The following TLN2 variants were observed in gnomAD, a reference collection of about 807,000 sequenced individuals.
TLN2 encodes talin 2.
TLN2 carries 118 observed loss-of-function variants against 294.7 expected under a neutral mutation model. That is an observed-to-expected ratio of 0.40 (90% CI 0.34 to 0.47). The LOEUF is 0.47. Among genes scored for constraint, TLN2 ranks in the 20% least tolerant of loss-of-function variants. The pLI, the probability that TLN2 is intolerant of heterozygous loss-of-function variation, is 0.84. For missense variants in TLN2, 3,083 were observed against 3,282.2 expected (o/e 0.94, Z 1.48); for synonymous variants, 1,431 against 1,304.5 (o/e 1.10, Z -2.09).
intron 1 of TLN2, among the ~76,000 whole-genome samples, chr15:62,457,711 G>T (rs1566988748): frequency 6.6e-6 from 1 of 152,188 alleles, no homozygotes; most frequent in Non-Finnish European, 1.5e-5. Context: ...ACAAAGGGGA[G>T]GAGTGCAAGA....
intron 1 of TLN2, among the ~76,000 whole-genome samples, chr15:62,545,761 C>T (rs1027683854): frequency 6.6e-6 from 1 of 152,130 alleles, no homozygotes; most frequent in Non-Finnish European, 1.5e-5. Context: ...CGAGCCCATC[C>T]TGGCTGAGGT....
At chr15:62,657,619 G>C (rs1255513133) in intron 8 of TLN2, 152 bp from the exon 9 acceptor site, 4 of 1,192,654 alleles carry the variant, frequency 3.4e-6, no homozygotes, top group Admixed American at 3.4e-5. Flanking sequence ...CCCATGCGGT[G>C]ATCATCCACT....
rs925456913 is a variant in TLN2 at position 62,577,399 on chromosome 15, G to A, written c.-237-12288G>A. ...GCGGAGGTTGTGGTGAGCCGAGATCGCGTCATTGCACTCCAGCCTGGGCAA... is the reference window on the plus strand; with the variant it reads ...GCGGAGGTTGTGGTGAGCCGAGATCACGTCATTGCACTCCAGCCTGGGCAA... On this transcript the variant is annotated intron_variant, in intron 1 of 58. Coordinates refer to ENST00000636159, the MANE Select transcript of TLN2 (RefSeq NM_015059.3). Among the ~76,000 whole-genome samples, 24 of 152,266 alleles carry A rather than the reference G, an allele frequency of 1.6e-4. 1 individual carries two copies. The highest frequency in any genetic ancestry group is 4.8e-4 in the African/African-American group (20 of 41,542).
At chr15:62,637,528 A>G (rs2050511868) in intron 3 of TLN2, 1 of 152,192 alleles carries the variant, frequency 6.6e-6, no homozygotes, top group Non-Finnish European at 1.5e-5. Context: ...CAGGCCAGGA[A>G]TTCATGTATC....
chr15:62,812,538 G>T (rs112002729), intron 52 of TLN2, among the ~76,000 whole-genome samples: 25 of 152,182 alleles, frequency 1.6e-4, no homozygotes, highest in African/African-American at 5.5e-4. Context: ...TTAGGGGAGA[G>T]GAATTCTTTC....
At chr15:62,605,917 G>A (rs781299404) in intron 2 of TLN2, among the ~76,000 whole-genome samples, 1 of 152,192 alleles carries the variant, frequency 6.6e-6, no homozygotes, top group Non-Finnish European at 1.5e-5. Flanking sequence ...AGGGCAGTCT[G>A]TCAGAATTTC....
intron 1 of TLN2, among the ~76,000 whole-genome samples, chr15:62,550,252 A>G (rs1485451806): frequency 1.3e-5 from 2 of 152,158 alleles, no homozygotes; most frequent in African/African-American, 4.8e-5. Flanking sequence ...ACAACAGGAA[A>G]TAATAGTTTA....
Position 62,698,833 on chromosome 15 carries a change from A to T in TLN2, c.1553A>T (p.Glu518Val). The T allele has an allele frequency of 1.2e-6, 2 of 1,612,972 alleles. No individual in the cohort carries two copies. Among genetic ancestry groups the T allele is most frequent in the Non-Finnish European group, 1.7e-6 (2 of 1,180,024 alleles). ...CAGCAGGCCCAGGATGATCTCAGTG[A>T]GCTCGACTCGCTGCCACCTCTCGGC... ...AVQQAQDDLS[E>V]LDSLPPLGQD... Residue 518 changes from glutamate to valine, a missense_variant, in exon 16 of 59, where the codon GAG becomes GTG. Transcript: ENST00000636159.
At position 62,465,446 on chromosome 15, in the gene TLN2, G is replaced by A. The variant is rs561554548; in HGVS notation, c.-238+74761G>A. ...AAACCGTAATCCTCTCCCCTAGTCA[G>A]GCCAGTTATATTCCTTTTCCTGAAC... On this transcript the variant is annotated intron_variant, in intron 1 of 58. Transcript: ENST00000636159. Among the ~76,000 whole-genome samples, 11 of 152,226 alleles carry A rather than the reference G, an allele frequency of 7.2e-5. No individual in the cohort carries two copies. In the South Asian group the frequency reaches 1.2e-3, roughly 17 times the overall value.
intron 1 of TLN2, among the ~76,000 whole-genome samples, chr15:62,564,917 A>ATATATATATATATATATATAT (rs1262371986): frequency 8.0e-6 from 1 of 124,658 alleles, no homozygotes; most frequent in African/African-American, 3.1e-5. Flanking sequence ...AAAAAAAAAA[A>ATATATATATATATATATATAT]AAAAAAAAAT....
chr15:62,794,591 C>T (rs1038276288), intron 46 of TLN2, among the ~76,000 whole-genome samples: 6 of 152,216 alleles, frequency 3.9e-5, no homozygotes, highest in African/African-American at 1.4e-4. Flanking sequence ...CTTTCCAGAA[C>T]CTGGATACCT....
Position 62,761,734 on chromosome 15 carries a change from C to T in TLN2, c.4692C>T (p.Thr1564=), listed in dbSNP as rs755079235. ...EDNRNKCRIA[T]APLIEAVENL... ...ACCGCAATAAGTGTCGCATCGCCAC[C>T]GCACCCTTGATTGAAGCTGTGGAGA... Residue 1564 remains threonine (T), a synonymous_variant, in exon 38 of 59, where the codon ACC becomes ACT. Coordinates refer to ENST00000636159, the MANE Select transcript of TLN2 (RefSeq NM_015059.3). The T allele has an allele frequency of 1.2e-5, 19 of 1,614,152 alleles. No individual in the cohort carries two copies. The highest frequency in any genetic ancestry group is 1.6e-4 in the Middle Eastern group (1 of 6,062).
intron 1 of TLN2, among the ~76,000 whole-genome samples, chr15:62,393,846 ATTCT>A (rs1444260114): frequency 1.4e-5 from 2 of 143,934 alleles, no homozygotes; most frequent in East Asian, 4.1e-4. Context: ...CTCTTGCCTG[ATTCT>A]TTTTTTTTTT....
intron 3 of TLN2, among the ~76,000 whole-genome samples, chr15:62,626,923 G>A (rs2049336595): frequency 6.6e-6 from 1 of 152,196 alleles, no homozygotes; most frequent in South Asian, 2.1e-4. Flanking sequence ...GTTAGTTGTA[G>A]CGCAAGGACG....
At chr15:62,612,241 T>G (rs989638726) in intron 2 of TLN2, among the ~76,000 whole-genome samples, 3 of 152,228 alleles carry the variant, frequency 2.0e-5, no homozygotes, top group African/African-American at 7.2e-5. Context: ...CCTTCCCTTT[T>G]GTCAGAGTGC....
At chr15:62,633,092 C>G (rs2050063022) in intron 3 of TLN2, among the ~76,000 whole-genome samples, 1 of 152,224 alleles carries the variant, frequency 6.6e-6, no homozygotes, top group Non-Finnish European at 1.5e-5. Flanking sequence ...CCTATTCTCA[C>G]AGATATTTTT....
chr15:62,694,719 C>G (rs1320391713), intron 14 of TLN2, among the ~76,000 whole-genome samples: 4 of 152,184 alleles, frequency 2.6e-5, no homozygotes, highest in South Asian at 2.1e-4. Flanking sequence ...GCCGTACCGT[C>G]AGGAGGTCAG....
intron 2 of TLN2, among the ~76,000 whole-genome samples, chr15:62,611,525 G>T (rs971177436): frequency 3.3e-5 from 5 of 152,160 alleles, no homozygotes; most frequent in Admixed American, 6.5e-5. Flanking sequence ...AACATTTGGG[G>T]ACTTGACCAC....
intron 34 of TLN2, among the ~76,000 whole-genome samples, chr15:62,751,042 G>GGA (rs1333947042): frequency 7.7e-4 from 117 of 151,974 alleles, no homozygotes; most frequent in African/African-American, 2.7e-3. Flanking sequence ...ATAATATAAT[G>GGA]GCTTGTTACC....
Sources: gnomAD v4.1 joint callset for allele counts (sites outside exome capture counted in the v4.1 genomes callset) on GRCh38, gnomAD v4.1.1 for gene constraint, MANE v1.5 for transcripts, NCBI Gene and HGNC (gene_info 2026-07-23, HGNC 2026-07-21) for gene names.